Variants in LPGAT1 observed in about 807,000 individuals in gnomAD.
The protein encoded by LPGAT1 is lysophosphatidylglycerol acyltransferase 1, also known as acyl-CoA:lysophosphatidylglycerol acyltransferase 1.
LPGAT1 carries 11 observed loss-of-function variants against 47.5 expected under a neutral mutation model. The ratio of observed to expected loss-of-function variants is 0.23; its 90% CI spans 0.15 to 0.38. LPGAT1 has a LOEUF of 0.38. Among genes scored for constraint, LPGAT1 ranks in the 10% least tolerant of loss-of-function variants. LPGAT1 has a pLI of 1.00. For missense variants in LPGAT1, 293 were observed against 439.0 expected (o/e 0.67, Z 2.97); for synonymous variants, 138 against 144.2 (o/e 0.96, Z 0.31).
At chr1:211,763,926 C>G (rs1202523922) in intron 6 of LPGAT1, among the ~76,000 whole-genome samples, 2 of 152,144 alleles carry the variant, frequency 1.3e-5, no homozygotes, top group Non-Finnish European at 2.9e-5. Flanking sequence ...AATCCCAGCA[C>G]TTTGAGAGGC....
chr1:211,781,795 A>G (rs180996705), intron 5 of LPGAT1, among the ~76,000 whole-genome samples: 349 of 152,312 alleles, frequency 2.3e-3, no homozygotes, highest in African/African-American at 8.2e-3. Context: ...CTTTCACAGT[A>G]GTATCTTAGA....
chr1:211,801,143 C>T (rs1370789586), intron 2 of LPGAT1, among the ~76,000 whole-genome samples: 3 of 152,162 alleles, frequency 2.0e-5, no homozygotes, highest in African/African-American at 7.2e-5. Context: ...GTGTGAAGGG[C>T]TCTATGTTAT....
chr1:211,814,825 C>T (rs184888199), intron 2 of LPGAT1, among the ~76,000 whole-genome samples: 48 of 152,342 alleles, frequency 3.2e-4, no homozygotes, highest in African/African-American at 1.2e-3. Context: ...CTTCGACCCA[C>T]TCCAATCTAG....
chr1:211,798,773 G>A (rs1037095931), intron 2 of LPGAT1, among the ~76,000 whole-genome samples: 11 of 152,220 alleles, frequency 7.2e-5, no homozygotes, highest in African/African-American at 2.7e-4. Context: ...CTGGAGAACT[G>A]TGGCTTTCAG....
intron 2 of LPGAT1, among the ~76,000 whole-genome samples, chr1:211,826,744 T>C (rs184170009): frequency 1.3e-5 from 2 of 152,256 alleles, no homozygotes; most frequent in African/African-American, 4.8e-5. Context: ...GTATTTAAGG[T>C]TTCCTCATAA....
chr1:211,820,022 G>A (rs1477776014), intron 2 of LPGAT1, among the ~76,000 whole-genome samples: 1 of 152,020 alleles, frequency 6.6e-6, no homozygotes, highest in Non-Finnish European at 1.5e-5. Flanking sequence ...GTTTACATTG[G>A]CATGCTGGAG....
chr1:211,802,704 G>GA (rs1659620887), intron 2 of LPGAT1, among the ~76,000 whole-genome samples: 1 of 152,006 alleles, frequency 6.6e-6, no homozygotes, highest in Admixed American at 6.6e-5. Context: ...AAGAGTTCCA[G>GA]AAAAAAGAAC....
intron 6 of LPGAT1, among the ~76,000 whole-genome samples, chr1:211,752,026 T>C (rs1657209134): frequency 6.6e-6 from 1 of 152,226 alleles, no homozygotes; most frequent in African/African-American, 2.4e-5. Flanking sequence ...TCTTCCCATC[T>C]TCCCAATACA....
chr1:211,760,769 G>A (rs6673226), intron 6 of LPGAT1, among the ~76,000 whole-genome samples: 131,056 of 152,202 alleles, frequency 0.86, 56,634 homozygotes, highest in African/African-American at 0.94. Flanking sequence ...AATACATTAC[G>A]GTTCTAGACA....
At chr1:211,757,540 T>G (rs1657514329) in intron 6 of LPGAT1, among the ~76,000 whole-genome samples, 1 of 152,216 alleles carries the variant, frequency 6.6e-6, no homozygotes, top group South Asian at 2.1e-4. Flanking sequence ...GCTTCCAGGT[T>G]TTTTGGGTTC....
At chr1:211,772,709 C>T (rs145583715) in intron 6 of LPGAT1, among the ~76,000 whole-genome samples, 1 of 152,048 alleles carries the variant, frequency 6.6e-6, no homozygotes, top group Admixed American at 6.6e-5. Flanking sequence ...ATAACATTGA[C>T]CATAATTTGG....
At chr1:211,803,670 A>C (rs1659654632) in intron 2 of LPGAT1, among the ~76,000 whole-genome samples, 1 of 152,240 alleles carries the variant, frequency 6.6e-6, no homozygotes, top group Non-Finnish European at 1.5e-5. Context: ...TTACATCTTC[A>C]TAATAAAGAA....
rs569313982 is a variant in LPGAT1 at position 211,811,370 on chromosome 1, A to G, written c.238+17689T>C. Among the ~76,000 whole-genome samples, 17 of 152,364 alleles carry G rather than the reference A, an allele frequency of 1.1e-4. 1 individual carries two copies. In the East Asian group the frequency reaches 3.1e-3, roughly 28 times the overall value. On this transcript the variant is annotated intron_variant, in intron 2 of 7. Coordinates refer to ENST00000366997, the MANE Select transcript of LPGAT1 (RefSeq NM_014873.3). ...ATAAACAACAGAAAGCCAGTAGGTA[A>G]AAGGAACTGATAACATACGGGTCAG...
intron 6 of LPGAT1, among the ~76,000 whole-genome samples, chr1:211,778,067 G>A (rs993358588): frequency 5.9e-5 from 9 of 152,204 alleles, no homozygotes; most frequent in African/African-American, 2.2e-4. Flanking sequence ...ACGAGGCTGG[G>A]CGCGGTGGCT....
chr1:211,793,479 C>A (rs1659224141), intron 2 of LPGAT1, among the ~76,000 whole-genome samples: 1 of 151,824 alleles, frequency 6.6e-6, no homozygotes. Context: ...GTCACCCAGG[C>A]TGGAGTGTAG....
At position 211,783,474 on chromosome 1, in the gene LPGAT1, A is replaced by C; in HGVS notation, c.482T>G (p.Leu161Arg). 6.2e-7 allele frequency: 1 copy of C among 1,613,896 alleles called. No individual in the cohort carries two copies. The highest frequency in any genetic ancestry group is 8.5e-7 in the Non-Finnish European group (1 of 1,179,932). The change falls in exon 5 of 8, where the codon CTG becomes CGG. Residue 161 changes from leucine (L) to arginine (R), a missense_variant. Coordinates refer to ENST00000366997, the MANE Select transcript of LPGAT1 (RefSeq NM_014873.3). Reference protein sequence around the residue: ...QGRSYRDQQLLLLKKHLENNY... With the variant: ...QGRSYRDQQLRLLKKHLENNY... Reference sequence around the variant, plus strand: ...ATTTTCTAAGTGCTTCTTGAGAAGCAGCAGCTGTTGGTCACGATAAGATCT... The same window carrying C: ...ATTTTCTAAGTGCTTCTTGAGAAGCCGCAGCTGTTGGTCACGATAAGATCT...
chr1:211,772,087 G>A (rs993043608), intron 6 of LPGAT1, among the ~76,000 whole-genome samples: 2 of 152,088 alleles, frequency 1.3e-5, no homozygotes, highest in African/African-American at 4.8e-5. Flanking sequence ...TATTGTTGTT[G>A]AGATAAAATC....
intron 6 of LPGAT1, among the ~76,000 whole-genome samples, chr1:211,771,313 T>A (rs1246047763): frequency 6.6e-6 from 1 of 152,124 alleles, no homozygotes; most frequent in Non-Finnish European, 1.5e-5. Flanking sequence ...CACCCTATGA[T>A]GTTCGTACAA....
chr1:211,780,315 A>G (rs1442323332), intron 5 of LPGAT1, among the ~76,000 whole-genome samples: 1 of 152,234 alleles, frequency 6.6e-6, no homozygotes, highest in Non-Finnish European at 1.5e-5. Flanking sequence ...CTACTGTTGT[A>G]GAGAGAGGAT....
Sources: gnomAD v4.1 joint callset for allele counts (sites outside exome capture counted in the v4.1 genomes callset) on GRCh38, gnomAD v4.1.1 for gene constraint, MANE v1.5 for transcripts, NCBI Gene and HGNC (gene_info 2026-07-23, HGNC 2026-07-21) for gene names.